The following TEN1 variants were observed in gnomAD, a reference collection of about 807,000 sequenced individuals.
TEN1 encodes CST complex subunit TEN1.
TEN1 carries 6 observed loss-of-function variants against 9.3 expected under a neutral mutation model. The observed-to-expected ratio is 0.65, with a 90% CI of 0.35 to 1.27. The LOEUF is 1.27. Ranked by LOEUF, TEN1 falls within the 50% of genes most tolerant of loss-of-function variation. TEN1 has a pLI of 0.03. For missense variants in TEN1, 149 were observed against 158.2 expected (o/e 0.94, Z 0.31); for synonymous variants, 65 against 65.6 (o/e 0.99, Z 0.04).
At chr17:75,981,328 AG>A (rs1391179327) in intron 1 of TEN1, among the ~76,000 whole-genome samples, 1 of 152,098 alleles carries the variant, frequency 6.6e-6, no homozygotes, top group Non-Finnish European at 1.5e-5. Flanking sequence ...CTGGGACTAC[AG>A]GAATGTACTA....
At position 75,979,326 on chromosome 17, in the gene TEN1, C is replaced by T. The variant is rs977766484; in HGVS notation, c.-192C>T. 12 of 594,444 alleles carry T rather than the reference C, an allele frequency of 2.0e-5. No homozygotes were observed. In the African/African-American group the frequency reaches 2.2e-4, roughly 11 times the overall value. 36.8% of individuals were successfully genotyped at this position (594,444 alleles called of 1,614,324 possible). On this transcript the variant is annotated 5_prime_UTR_variant, in exon 1 of 4. Transcript: ENST00000397640. ...GCCGGTCGCGGGGCAGACTAATCCCCTGCTCCTGGCCAGGGGAGGCTCCCG... is the reference window on the plus strand; with the variant it reads ...GCCGGTCGCGGGGCAGACTAATCCCTTGCTCCTGGCCAGGGGAGGCTCCCG...
At chr17:75,997,436 G>A (rs911088178) in intron 3 of TEN1, among the ~76,000 whole-genome samples, 12 of 151,878 alleles carry the variant, frequency 7.9e-5, no homozygotes, top group Non-Finnish European at 1.0e-4. Context: ...TGTCCCTCCC[G>A]GCTTATTGCT....
intron 1 of TEN1, among the ~76,000 whole-genome samples, chr17:75,985,312 A>G (rs775074504): frequency 3.5e-4 from 53 of 151,510 alleles, no homozygotes; most frequent in Non-Finnish European, 6.2e-4. Context: ...CACCTGGCCC[A>G]TTTTTGTATT....
intron 2 of TEN1, 58 bp from the exon 3 acceptor site, chr17:75,991,400 AACCTTTTG>A (rs1217710891): frequency 4.0e-6 from 6 of 1,514,178 alleles, no homozygotes; most frequent in Non-Finnish European, 5.4e-6. Flanking sequence ...TGGCCATGCA[AACCTTTTG>A]AGCGTGGTGG....
chr17:75,979,413 G>A lies in TEN1; in HGVS notation c.-105G>A. 1 of 457,860 alleles carries A rather than the reference G, an allele frequency of 2.2e-6. No homozygotes were observed. Among genetic ancestry groups the A allele is most frequent in the East Asian group, 4.4e-5 (1 of 22,874 alleles). The allele number at this position is 457,860 out of a possible 1,614,324, so 28.4% of individuals were successfully genotyped here. On this transcript the variant is annotated 5_prime_UTR_variant, in exon 1 of 4. It adds an upstream start codon to the 5' untranslated region. Coordinates refer to ENST00000397640, the MANE Select transcript of TEN1 (RefSeq NM_001113324.3). ...AACTGCCCTGCTGGGCGTCCGGGGA[G>A]TGGGAAAATAAAGCACTTTTTGTAT...
chr17:75,982,204 G>A (rs565045878), intron 1 of TEN1, among the ~76,000 whole-genome samples: 13 of 152,290 alleles, frequency 8.5e-5, no homozygotes, highest in Admixed American at 2.6e-4. Flanking sequence ...TGTTCCAAGA[G>A]GCCAAGAAGA....
chr17:75,991,382 A>G (rs937230907), intron 2 of TEN1, 84 bp from the exon 3 acceptor site: 1 of 1,401,452 alleles, frequency 7.1e-7, no homozygotes, highest in Non-Finnish European at 9.8e-7. Context: ...ACTTTTCTAT[A>G]GATTTCTTGG....
At chr17:75,987,652 C>T (rs921210580) in intron 2 of TEN1, among the ~76,000 whole-genome samples, 2 of 152,114 alleles carry the variant, frequency 1.3e-5, no homozygotes, top group Admixed American at 1.3e-4. Context: ...TGCGGTGGCT[C>T]ACGCCTGTAA....
chr17:75,989,935 C>T (rs1487952407), intron 2 of TEN1, among the ~76,000 whole-genome samples: 4 of 151,188 alleles, frequency 2.6e-5, no homozygotes, highest in African/African-American at 4.9e-5. Context: ...ATTATAGAGA[C>T]GGCATCTCGC....
In TEN1 at chr17:76,000,304, G is replaced by T; in HGVS notation, c.*42G>T. The T allele has an allele frequency of 6.5e-7, 1 of 1,536,940 alleles. No homozygotes were observed. Among genetic ancestry groups the T allele is most frequent in the Non-Finnish European group, 8.8e-7 (1 of 1,138,538 alleles). On this transcript the variant is annotated 3_prime_UTR_variant, in exon 4 of 4. Coordinates refer to ENST00000397640, the MANE Select transcript of TEN1 (RefSeq NM_001113324.3). This position sits in a 1 kb window ranked among gnomAD's most constrained non-coding sequence, Gnocchi z 5.9. ...AACACCCTCACCTGCTTCAGAGCCCGAACCCTCTGGAGCTGCAGGAGCCCG... is the reference window on the plus strand; with the variant it reads ...AACACCCTCACCTGCTTCAGAGCCCTAACCCTCTGGAGCTGCAGGAGCCCG...
intron 3 of TEN1, among the ~76,000 whole-genome samples, chr17:75,999,623 GTGAGCCAGTTCA>G (rs2066240825): frequency 6.6e-6 from 1 of 152,140 alleles, no homozygotes; most frequent in African/African-American, 2.4e-5. Context: ...GATTACAGGT[GTGAGCCAGTTCA>G]CCTGTCAAAA....
chr17:75,997,053 A>G (rs2066222238), intron 3 of TEN1, among the ~76,000 whole-genome samples: 2 of 152,068 alleles, frequency 1.3e-5, no homozygotes, highest in African/African-American at 2.4e-5. Flanking sequence ...CTGAAATTGC[A>G]TGCCATCCAC....
intron 1 of TEN1, among the ~76,000 whole-genome samples, chr17:75,985,889 T>A (rs886263594): frequency 9.2e-5 from 14 of 151,400 alleles, no homozygotes; most frequent in African/African-American, 3.4e-4. Context: ...TTTTCTTTTT[T>A]ATATATATTT....
In TEN1 at chr17:75,986,593, C is replaced by G. The variant is rs540804429; in HGVS notation, c.92+309C>G. Among the ~76,000 whole-genome samples, 4 of 151,920 alleles carry G rather than the reference C, an allele frequency of 2.6e-5. No individual in the cohort carries two copies. The East Asian group carries it at 5.8e-4, about 22-fold the overall frequency. On this transcript the variant is annotated intron_variant, in intron 2 of 3. Transcript: ENST00000397640. ...GCGCATGCCTATAATCCCAGCTAAT[C>G]GAGAGGCTGAGGCAGGAGAATTGCT...
intron 1 of TEN1, among the ~76,000 whole-genome samples, chr17:75,983,868 A>G (rs1308400196): frequency 6.6e-6 from 1 of 152,102 alleles, no homozygotes; most frequent in Admixed American, 6.6e-5. Flanking sequence ...TGTTGGTGTC[A>G]GACATGCAAA....
intron 1 of TEN1, among the ~76,000 whole-genome samples, chr17:75,981,148 C>T (rs1234252411): frequency 6.6e-6 from 1 of 151,492 alleles, no homozygotes; most frequent in Non-Finnish European, 1.5e-5. Context: ...ACGAGAATTA[C>T]AAGAATAGAA....
In TEN1 at chr17:75,979,359, C is replaced by G; in HGVS notation, c.-159C>G. ...GGCCAGGGGAGGCTCCCGAGCGGAT[C>G]CTCGGGAAAGGGGCTCCGAAGGTCA... On this transcript the variant is annotated 5_prime_UTR_variant, in exon 1 of 4. In the 5' UTR this introduces an upstream ATG that the reference lacks. Transcript: ENST00000397640. 2 of 551,254 alleles carry G rather than the reference C, an allele frequency of 3.6e-6. No homozygotes were observed. Among genetic ancestry groups the G allele is most frequent in the Non-Finnish European group, 3.3e-6 (1 of 306,092 alleles). The allele number at this position is 551,254 out of a possible 1,614,324, so 34.1% of individuals were successfully genotyped here.
chr17:75,979,363 G>A lies in TEN1; in HGVS notation c.-155G>A, dbSNP rs1455391812. On this transcript the variant is annotated 5_prime_UTR_variant, in exon 1 of 4. Coordinates refer to ENST00000397640, the MANE Select transcript of TEN1 (RefSeq NM_001113324.3). ...AGGGGAGGCTCCCGAGCGGATCCTC[G>A]GGAAAGGGGCTCCGAAGGTCAAGAA... The A allele has an allele frequency of 3.7e-6, 2 of 546,752 alleles. No homozygotes were observed. The highest frequency in any genetic ancestry group is 6.6e-6 in the Non-Finnish European group (2 of 303,246). The allele number at this position is 546,752 out of a possible 1,614,324, so 33.9% of individuals were successfully genotyped here.
intron 3 of TEN1, among the ~76,000 whole-genome samples, chr17:75,995,230 A>G (rs1460440857): frequency 6.6e-6 from 1 of 151,808 alleles, no homozygotes; most frequent in Admixed American, 6.6e-5. Context: ...CAAAAAAAAA[A>G]AAAAGGAAAA....
Sources: allele counts gnomAD v4.1 joint callset (sites outside exome capture counted in the v4.1 genomes callset), GRCh38; gene constraint gnomAD v4.1.1; non-coding constraint Gnocchi (gnomAD v3.1); transcripts MANE v1.5; gene names NCBI Gene and HGNC (gene_info 2026-07-23, HGNC 2026-07-21).